The following UBE2E2 variants were observed in gnomAD, a reference collection of about 807,000 sequenced individuals.
UBE2E2 encodes the protein ubiquitin-conjugating enzyme E2 E2.
In UBE2E2, 6 loss-of-function variants were observed where a neutral mutation model predicts 24.7. That is an observed-to-expected ratio of 0.24 (90% CI 0.13 to 0.48). The LOEUF (loss-of-function observed/expected upper bound fraction) is 0.48, where lower values mean the gene tolerates loss of function less well. UBE2E2 is among the 20% of genes least tolerant of loss of function. UBE2E2 has a pLI of 0.99. For synonymous variants in UBE2E2, 104 were observed against 83.6 expected (o/e 1.24, Z -1.33); for missense variants, 169 against 245.0 (o/e 0.69, Z 2.07).
At chr3:23,333,294 T>C (rs1695117366) in intron 3 of UBE2E2, among the ~76,000 whole-genome samples, 1 of 152,234 alleles carries the variant, frequency 6.6e-6, no homozygotes, top group African/African-American at 2.4e-5. Flanking sequence ...TCATCAAATA[T>C]GATATTTATC....
chr3:23,527,462 G>T (rs1695026105), intron 4 of UBE2E2, among the ~76,000 whole-genome samples: 2 of 152,212 alleles, frequency 1.3e-5, no homozygotes, highest in African/African-American at 2.4e-5. Context: ...CTGATTTTTG[G>T]CACAAAGCTA....
At chr3:23,250,408 A>G (rs1419295608) in intron 3 of UBE2E2, among the ~76,000 whole-genome samples, 1 of 152,158 alleles carries the variant, frequency 6.6e-6, no homozygotes, top group Non-Finnish European at 1.5e-5. Context: ...CTGAATTTGT[A>G]TTAGAGGTTG....
At chr3:23,267,287 A>G (rs569261568) in intron 3 of UBE2E2, among the ~76,000 whole-genome samples, 60 of 151,872 alleles carry the variant, frequency 4.0e-4, no homozygotes, top group African/African-American at 1.4e-3. Flanking sequence ...GAAAGGATCA[A>G]CAAAATTGAT....
intron 3 of UBE2E2, among the ~76,000 whole-genome samples, chr3:23,333,435 T>C (rs1453139559): frequency 6.6e-6 from 1 of 152,176 alleles, no homozygotes; most frequent in African/African-American, 2.4e-5. Flanking sequence ...ATGTTTCATA[T>C]CAGCAGTAGG....
At chr3:23,320,846 T>G (rs1295072063) in intron 3 of UBE2E2, among the ~76,000 whole-genome samples, 1 of 152,232 alleles carries the variant, frequency 6.6e-6, no homozygotes, top group Non-Finnish European at 1.5e-5. Flanking sequence ...CTCAGCTGTT[T>G]GTCTCCACTA....
At chr3:23,428,679 GA>G in intron 3 of UBE2E2, among the ~76,000 whole-genome samples, 1 of 152,062 alleles carries the variant, frequency 6.6e-6, no homozygotes, top group East Asian at 1.9e-4. Flanking sequence ...ACTAACATCA[GA>G]AACAAAAGAG....
At chr3:23,523,515 C>G (rs1282500715) in intron 4 of UBE2E2, among the ~76,000 whole-genome samples, 1 of 146,908 alleles carries the variant, frequency 6.8e-6, no homozygotes, top group Non-Finnish European at 1.5e-5. Flanking sequence ...GTATTCACAG[C>G]TGGATAGGTG....
At chr3:23,415,291 A>C (rs1697594133) in intron 3 of UBE2E2, among the ~76,000 whole-genome samples, 2 of 152,202 alleles carry the variant, frequency 1.3e-5, no homozygotes, top group Admixed American at 6.5e-5. Flanking sequence ...CCATTCCTGG[A>C]GTGATAAATC....
chr3:23,385,536 C>G (rs1352663741), intron 3 of UBE2E2, among the ~76,000 whole-genome samples: 1 of 152,224 alleles, frequency 6.6e-6, no homozygotes, highest in African/African-American at 2.4e-5. Context: ...GCTCTGTAAT[C>G]CTGCCTTGTC....
chr3:23,482,551 T>G (rs1699279674), intron 3 of UBE2E2, among the ~76,000 whole-genome samples: 1 of 152,094 alleles, frequency 6.6e-6, no homozygotes, highest in Middle Eastern at 3.2e-3. Flanking sequence ...TTGACTCCCT[T>G]TGACCGAAAA....
At chr3:23,214,787 T>G (rs1696428396) in intron 2 of UBE2E2, among the ~76,000 whole-genome samples, 1 of 151,660 alleles carries the variant, frequency 6.6e-6, no homozygotes, top group Admixed American at 6.6e-5. Flanking sequence ...GTACATAGAT[T>G]TTTTTTTAAT....
intron 3 of UBE2E2, among the ~76,000 whole-genome samples, chr3:23,239,258 G>C (rs538780449): frequency 6.6e-6 from 1 of 152,220 alleles, no homozygotes; most frequent in East Asian, 1.9e-4. Context: ...AAGGACTTCA[G>C]GCTGCCCATT....
intron 3 of UBE2E2, among the ~76,000 whole-genome samples, chr3:23,379,007 C>T (rs1474829572): frequency 6.6e-6 from 1 of 152,130 alleles, no homozygotes; most frequent in African/African-American, 2.4e-5. Context: ...CCATATACTT[C>T]TCAGTGACTG....
At chr3:23,214,090 A>G (rs1696402952) in intron 2 of UBE2E2, among the ~76,000 whole-genome samples, 1 of 152,194 alleles carries the variant, frequency 6.6e-6, no homozygotes, top group African/African-American at 2.4e-5. Context: ...GAGACATACA[A>G]CCATTTTAGG....
intron 5 of UBE2E2, among the ~76,000 whole-genome samples, chr3:23,537,405 A>G (rs1323850976): frequency 6.6e-6 from 1 of 152,198 alleles, no homozygotes; most frequent in African/African-American, 2.4e-5. Flanking sequence ...AAAATCAAGT[A>G]TCGGTTACTC....
At chr3:23,473,036 T>C (rs1051955323) in intron 3 of UBE2E2, among the ~76,000 whole-genome samples, 27 of 152,192 alleles carry the variant, frequency 1.8e-4, no homozygotes, top group African/African-American at 4.8e-4. Context: ...TTTTCTGTTA[T>C]GATTTAAAAA....
At chr3:23,574,522 C>T (rs547511872) in intron 5 of UBE2E2, among the ~76,000 whole-genome samples, 76 of 152,158 alleles carry the variant, frequency 5.0e-4, no homozygotes, top group Non-Finnish European at 9.4e-4. Flanking sequence ...ACTATGTACC[C>T]ACAAACATTA....
intron 4 of UBE2E2, among the ~76,000 whole-genome samples, chr3:23,521,281 C>G (rs1464918936): frequency 6.6e-6 from 1 of 152,154 alleles, no homozygotes; most frequent in Non-Finnish European, 1.5e-5. Context: ...GGACATTCTC[C>G]TTCTGTTTGT....
chr3:23,423,830 T>C (rs1403045308), intron 3 of UBE2E2, among the ~76,000 whole-genome samples: 1 of 152,204 alleles, frequency 6.6e-6, no homozygotes, highest in Admixed American at 6.5e-5. Flanking sequence ...AGTAGTAGTG[T>C]GACCTGGTGC....
Sources: gnomAD v4.1 joint callset for allele counts (sites outside exome capture counted in the v4.1 genomes callset) on GRCh38, gnomAD v4.1.1 for gene constraint, MANE v1.5 for transcripts, NCBI Gene and HGNC (gene_info 2026-07-23, HGNC 2026-07-21) for gene names.